Variants in C9 observed in about 807,000 individuals in gnomAD.
C9 encodes complement component C9.
A neutral mutation model predicts 65.4 loss-of-function variants in C9; 63 were observed. That is an observed-to-expected ratio of 0.96 (90% CI 0.79 to 1.19). The LOEUF is 1.19. Among genes scored for constraint, C9 ranks in the 50% most tolerant of loss-of-function variants. The probability of loss-of-function intolerance (pLI) is 0.00; values close to 1 mark genes in which losing one functional copy is unlikely to be tolerated. For missense variants in C9, 744 were observed against 670.1 expected, an observed-to-expected ratio of 1.11 and a Z score of -1.22; for synonymous variants, 229 against 227.9, an observed-to-expected ratio of 1.00 and a Z score of -0.04.
At chr5:39,301,600 A>C (rs1215000791) in intron 9 of C9, among the ~76,000 whole-genome samples, 1 of 152,094 alleles carries the variant, frequency 6.6e-6, no homozygotes, top group African/African-American at 2.4e-5. Context: ...CTGCAATATT[A>C]CTTCTGCAAT....
chr5:39,348,747 A>G (rs1249423395), intron 1 of C9, among the ~76,000 whole-genome samples: 1 of 152,216 alleles, frequency 6.6e-6, no homozygotes, highest in Non-Finnish European at 1.5e-5. Flanking sequence ...CACTATTCAC[A>G]ATAGCAAAGA....
chr5:39,299,872 TA>T (rs1219229028), intron 9 of C9, among the ~76,000 whole-genome samples: 25 of 152,266 alleles, frequency 1.6e-4, no homozygotes, highest in African/African-American at 6.0e-4. Context: ...TACTACTCAC[TA>T]AAAACCAAGA....
chr5:39,346,562 AT>A (rs1363169776), intron 1 of C9, among the ~76,000 whole-genome samples: 1 of 152,194 alleles, frequency 6.6e-6, no homozygotes. Flanking sequence ...CCAGGACCAG[AT>A]GGATTCACAG....
intron 9 of C9, among the ~76,000 whole-genome samples, chr5:39,295,647 T>C (rs1753172675): frequency 6.6e-6 from 1 of 151,434 alleles, no homozygotes; most frequent in African/African-American, 2.4e-5. Context: ...ACAATGACAT[T>C]CCTCACAGAA....
chr5:39,337,937 T>C (rs1280169689), intron 4 of C9, among the ~76,000 whole-genome samples: 1 of 152,214 alleles, frequency 6.6e-6, no homozygotes, highest in East Asian at 1.9e-4. Flanking sequence ...TTTGAGGTTG[T>C]CCAGAATGAA....
intron 1 of C9, among the ~76,000 whole-genome samples, chr5:39,344,512 T>C (rs936884351): frequency 1.3e-5 from 2 of 152,150 alleles, no homozygotes; most frequent in Non-Finnish European, 2.9e-5. Flanking sequence ...CCAAGAAATA[T>C]GGGACTATGT....
At chr5:39,364,326 G>T in intron 1 of C9, 62 bp downstream of exon 1, 1 of 878,880 alleles carries the variant, frequency 1.1e-6, no homozygotes, top group Non-Finnish European at 2.0e-6. Context: ...CTGCTAAGAA[G>T]ACCTTGAGAT....
At chr5:39,301,835 T>A (rs1451838166) in intron 9 of C9, among the ~76,000 whole-genome samples, 2 of 152,196 alleles carry the variant, frequency 1.3e-5, no homozygotes, top group East Asian at 3.9e-4. Flanking sequence ...ACCAGTGTAG[T>A]CTTTTATGAA....
chr5:39,328,992 A>G (rs940216017), intron 5 of C9, among the ~76,000 whole-genome samples: 1 of 152,168 alleles, frequency 6.6e-6, no homozygotes, highest in African/African-American at 2.4e-5. Context: ...GCATTTTGCA[A>G]ATTTTTGTTC....
chr5:39,357,782 T>G (rs1005162482), intron 1 of C9, among the ~76,000 whole-genome samples: 10 of 152,186 alleles, frequency 6.6e-5, no homozygotes, highest in African/African-American at 2.4e-4. Context: ...TTATGTGTGC[T>G]TCTATTGAAG....
At chr5:39,326,530 T>C (rs16868614) in intron 5 of C9, among the ~76,000 whole-genome samples, 4,576 of 152,192 alleles carry the variant, frequency 0.03, 214 homozygotes, top group African/African-American at 0.1. Context: ...ACTCTCAGGG[T>C]TTTGCTCTCC....
intron 5 of C9, among the ~76,000 whole-genome samples, chr5:39,323,464 T>C (rs1327577088): frequency 1.3e-5 from 2 of 149,848 alleles, no homozygotes; most frequent in East Asian, 1.9e-4. Flanking sequence ...AAAATGATCA[T>C]ACACAATGAT....
chr5:39,354,191 A>G (rs1225124861), intron 1 of C9, among the ~76,000 whole-genome samples: 1 of 152,248 alleles, frequency 6.6e-6, no homozygotes, highest in African/African-American at 2.4e-5. Context: ...ATCTGAAACC[A>G]CATGACTAAG....
intron 1 of C9, among the ~76,000 whole-genome samples, chr5:39,358,782 G>A (rs1473818908): frequency 6.6e-6 from 1 of 151,706 alleles, no homozygotes; most frequent in Non-Finnish European, 1.5e-5. Flanking sequence ...TAAGGAGATC[G>A]AGACCACCCT....
chr5:39,341,111 A>G, intron 4 of C9, 35 bp downstream of exon 4: 1 of 1,611,490 alleles, frequency 6.2e-7, no homozygotes, highest in Non-Finnish European at 8.5e-7. Context: ...ATTTTCACTC[A>G]TTTTCATCTG....
chr5:39,321,988 T>C (rs964999996), intron 5 of C9, among the ~76,000 whole-genome samples: 1 of 152,100 alleles, frequency 6.6e-6, no homozygotes, highest in Admixed American at 6.6e-5. Context: ...TGAACTACTC[T>C]TTAGTCCAAA....
chr5:39,359,250 A>G (rs1307659221), intron 1 of C9, among the ~76,000 whole-genome samples: 1 of 151,392 alleles, frequency 6.6e-6, no homozygotes, highest in Non-Finnish European at 1.5e-5. Flanking sequence ...GGTAGAGACG[A>G]GTACAGAAAT....
intron 4 of C9, among the ~76,000 whole-genome samples, chr5:39,339,605 C>T (rs1263813422): frequency 6.6e-6 from 1 of 151,736 alleles, no homozygotes; most frequent in Non-Finnish European, 1.5e-5. Context: ...CTCACCCCCT[C>T]CAAGATGTCA....
intron 1 of C9, among the ~76,000 whole-genome samples, chr5:39,343,349 G>T (rs939208048): frequency 6.6e-6 from 1 of 152,204 alleles, no homozygotes; most frequent in Non-Finnish European, 1.5e-5. Flanking sequence ...CTTTTCCAAC[G>T]GTCTTAGCAA....
Sources: gnomAD v4.1 joint callset for allele counts (sites outside exome capture counted in the v4.1 genomes callset) on GRCh38, gnomAD v4.1.1 for gene constraint, MANE v1.5 for transcripts, NCBI Gene and HGNC (gene_info 2026-07-23, HGNC 2026-07-21) for gene names.